PRCP: variants seen among roughly 807,000 people sequenced by gnomAD.
The protein encoded by PRCP is prolylcarboxypeptidase.
Under a neutral mutation model 54.2 loss-of-function variants are expected in PRCP, and 46 were observed. The observed-to-expected ratio is 0.85, with a 90% CI of 0.67 to 1.09. PRCP has a LOEUF of 1.09. PRCP is among the 50% of genes least tolerant of loss of function. PRCP has a pLI of 0.00. For synonymous variants in PRCP, 240 were observed against 212.2 expected (o/e 1.13, Z -1.14); for missense variants, 613 against 596.8 (o/e 1.03, Z -0.28).
chr11:82,829,676 G>A (rs918014482), intron 8 of PRCP: 2 of 152,086 alleles, frequency 1.3e-5, no homozygotes, highest in African/African-American at 4.8e-5. Context: ...CTCCATGAGA[G>A]CCGAGATTTT....
At chr11:82,849,357 G>A in intron 5 of PRCP, 139 bp from the exon 6 acceptor site, 1 of 951,248 alleles carries the variant, frequency 1.1e-6, no homozygotes, top group South Asian at 1.9e-5. Context: ...AGAGCAACTG[G>A]AGAATCCCAT....
intron 8 of PRCP, chr11:82,835,511 G>A (rs1402044175): frequency 2.7e-5 from 7 of 254,934 alleles, no homozygotes; most frequent in East Asian, 1.2e-4. Flanking sequence ...CCACAGCCAC[G>A]TCCGGGGATG....
chr11:82,872,192 G>A (rs566959888), intron 1 of PRCP, among the ~76,000 whole-genome samples: 11 of 152,248 alleles, frequency 7.2e-5, no homozygotes, highest in Non-Finnish European at 1.0e-4. Flanking sequence ...AGTACTAACC[G>A]ACATCTCTGG....
chr11:82,887,831 G>A (rs1466339738), intron 1 of PRCP, among the ~76,000 whole-genome samples: 1 of 152,006 alleles, frequency 6.6e-6, no homozygotes, highest in East Asian at 1.9e-4. Flanking sequence ...TTCCAAAAGG[G>A]GTCTGACACT....
intron 6 of PRCP, among the ~76,000 whole-genome samples, chr11:82,844,312 A>T (rs1405588724): frequency 6.6e-6 from 1 of 152,200 alleles, no homozygotes; most frequent in Non-Finnish European, 1.5e-5. Flanking sequence ...AATCCCAGTT[A>T]CTCAGGAGGC....
chr11:82,828,504 A>AT (rs1359205054), intron 8 of PRCP: 1 of 152,210 alleles, frequency 6.6e-6, no homozygotes, highest in Non-Finnish European at 1.5e-5. Flanking sequence ...ACCTCTCGGC[A>AT]TATCTATACC....
chr11:82,857,003 C>G (rs749293135), intron 2 of PRCP, among the ~76,000 whole-genome samples: 6 of 144,322 alleles, frequency 4.2e-5, no homozygotes, highest in Admixed American at 7.0e-5. Context: ...CCACTGCACT[C>G]CAGCCTGGGC....
chr11:82,841,703 T>C (rs9326440), intron 6 of PRCP, among the ~76,000 whole-genome samples: 79,382 of 152,056 alleles, frequency 0.52, 21,664 homozygotes, highest in African/African-American at 0.69. Flanking sequence ...TGAGCTAAAC[T>C]GAGAGCTAAT....
At chr11:82,850,816 T>A (rs774421495) in intron 3 of PRCP, among the ~76,000 whole-genome samples, 1 of 152,214 alleles carries the variant, frequency 6.6e-6, no homozygotes, top group Non-Finnish European at 1.5e-5. Flanking sequence ...ATAACTGTTA[T>A]AACTTTTGTT....
intron 8 of PRCP, among the ~76,000 whole-genome samples, chr11:82,831,994 T>C (rs907462331): frequency 2.6e-5 from 4 of 152,162 alleles, no homozygotes; most frequent in African/African-American, 9.7e-5. Context: ...CTGTGTTAGT[T>C]TGCTGAGAAT....
In PRCP at chr11:82,825,008, A is replaced by G. The variant is rs1242365943; in HGVS notation, c.1389T>C (p.Asn463=). 3 of 1,614,168 alleles carry G rather than the reference A, an allele frequency of 1.9e-6. No individual in the cohort carries two copies. In the South Asian group the frequency reaches 3.3e-5, roughly 18 times the overall value. Residue 463 remains asparagine, a synonymous_variant, in exon 9 of 9, where the codon AAT becomes AAC. Coordinates refer to ENST00000313010, the MANE Select transcript of PRCP (RefSeq NM_005040.4). ...GAHHLDLRTK[N]ALDPMSVLLA... ...ACAGCACAGACATAGGATCCAAGGC[A>G]TTCTTGGTGCGGAGATCTAAGTGGT...
intron 5 of PRCP, among the ~76,000 whole-genome samples, chr11:82,849,529 G>C (rs1337981208): frequency 6.6e-6 from 1 of 152,152 alleles, no homozygotes; most frequent in Non-Finnish European, 1.5e-5. Context: ...CTATCAAACA[G>C]TGCTAAGCAA....
At chr11:82,857,590 C>T (rs758935684) in intron 2 of PRCP, among the ~76,000 whole-genome samples, 21 of 152,162 alleles carry the variant, frequency 1.4e-4, no homozygotes, top group Admixed American at 2.6e-4. Context: ...CAACATCAAT[C>T]GATTAGATTT....
intron 8 of PRCP, chr11:82,826,298 A>C (rs1465714679): frequency 6.6e-6 from 1 of 152,240 alleles, no homozygotes; most frequent in East Asian, 1.9e-4. Context: ...GGCATGAATC[A>C]GTACATGTTC....
intron 2 of PRCP, among the ~76,000 whole-genome samples, chr11:82,857,034 CAAA>C (rs11388763): frequency 1.7e-5 from 2 of 119,028 alleles, no homozygotes; most frequent in East Asian, 2.4e-4. Flanking sequence ...GCCTCTGTCT[CAAA>C]AAAAAAAAAA....
At chr11:82,827,945 T>C (rs1423816686) in intron 8 of PRCP, 2 of 152,226 alleles carry the variant, frequency 1.3e-5, no homozygotes, top group African/African-American at 4.8e-5. Context: ...AATGTCTTTG[T>C]TTCCAATGTA....
intron 2 of PRCP, among the ~76,000 whole-genome samples, chr11:82,857,287 G>A (rs1859114639): frequency 6.6e-6 from 1 of 152,162 alleles, no homozygotes; most frequent in Non-Finnish European, 1.5e-5. Context: ...CATTTCATAT[G>A]AATTAATTCA....
At chr11:82,881,882 A>G (rs1859756533) in intron 1 of PRCP, among the ~76,000 whole-genome samples, 1 of 152,172 alleles carries the variant, frequency 6.6e-6, no homozygotes, top group Non-Finnish European at 1.5e-5. Context: ...TCTGCCTATA[A>G]CCTTTGACTC....
At chr11:82,875,878 A>G (rs1279937954) in intron 1 of PRCP, among the ~76,000 whole-genome samples, 1 of 152,080 alleles carries the variant, frequency 6.6e-6, no homozygotes, top group Non-Finnish European at 1.5e-5. Context: ...CTTCTACCAC[A>G]TGGCCCTCTC....
Sources: gnomAD v4.1 joint callset for allele counts (sites outside exome capture counted in the v4.1 genomes callset) on GRCh38, gnomAD v4.1.1 for gene constraint, MANE v1.5 for transcripts, NCBI Gene and HGNC (gene_info 2026-07-23, HGNC 2026-07-21) for gene names.